The following AGBL4 variants were observed in gnomAD, a reference collection of about 807,000 sequenced individuals.
AGBL4 encodes AGBL carboxypeptidase 4, also known as cytosolic carboxypeptidase 6.
A neutral mutation model predicts 66.4 loss-of-function variants in AGBL4; 58 were observed. The ratio of observed to expected loss-of-function variants is 0.87; its 90% CI spans 0.71 to 1.09. The LOEUF is 1.09. Among genes scored for constraint, AGBL4 ranks in the 50% least tolerant of loss-of-function variants. The probability of loss-of-function intolerance (pLI) is 0.00; values close to 1 mark genes in which losing one functional copy is unlikely to be tolerated. For missense variants in AGBL4, 579 were observed against 631.0 expected, an observed-to-expected ratio of 0.92 and a Z score of 0.88; for synonymous variants, 234 against 222.9, an observed-to-expected ratio of 1.05 and a Z score of -0.44.
At chr1:49,781,526 A>C (rs979140793) in intron 2 of AGBL4, among the ~76,000 whole-genome samples, 1 of 152,200 alleles carries the variant, frequency 6.6e-6, no homozygotes, top group Admixed American at 6.5e-5. Context: ...AAAAAGGAGA[A>C]AGGGACAATT....
At chr1:48,940,150 T>C (rs60754463) in intron 5 of AGBL4, among the ~76,000 whole-genome samples, 16,179 of 152,114 alleles carry the variant, frequency 0.11, 956 homozygotes, top group African/African-American at 0.12. Context: ...AAGGCCCGGG[T>C]GGGCAGATCA....
intron 2 of AGBL4, among the ~76,000 whole-genome samples, chr1:49,811,232 T>C (rs955686307): frequency 6.6e-6 from 1 of 152,186 alleles, no homozygotes; most frequent in Non-Finnish European, 1.5e-5. Context: ...TGTTCCAATG[T>C]GTGCTCTGCA....
intron 3 of AGBL4, among the ~76,000 whole-genome samples, chr1:49,684,531 G>A (rs745637944): frequency 5.3e-5 from 8 of 152,180 alleles, no homozygotes; most frequent in Non-Finnish European, 7.4e-5. Flanking sequence ...GCTCATATTA[G>A]TTTTCTTCAT....
At chr1:49,442,304 G>A (rs1251718078) in intron 3 of AGBL4, among the ~76,000 whole-genome samples, 1 of 152,118 alleles carries the variant, frequency 6.6e-6, no homozygotes, top group African/African-American at 2.4e-5. Context: ...CAATAATAGA[G>A]GAAAGAGTAG....
chr1:48,720,444 C>T (rs1647127279), intron 6 of AGBL4, among the ~76,000 whole-genome samples: 1 of 152,226 alleles, frequency 6.6e-6, no homozygotes, highest in African/African-American at 2.4e-5. Flanking sequence ...ATCATTAAGA[C>T]ACCAGACATT....
Position 49,041,749 on chromosome 1 carries a change from G to C in AGBL4, c.594+3835C>G, listed in dbSNP as rs184371042. On this transcript the variant is annotated intron_variant, in intron 5 of 13. Transcript: ENST00000371839. ...GTGTGTTGTGTTGAATCTGAATAAA[G>C]GATGCAGCCAATATGAAAATCAGGG... Among the ~76,000 whole-genome samples the C allele has an allele frequency of 6.5e-3, 995 of 152,218 alleles. 4 individuals are homozygous for C. Among genetic ancestry groups the C allele is most frequent in the Admixed American group, 0.014 (216 of 15,278 alleles).
At chr1:48,968,827 A>G (rs1294128651) in intron 5 of AGBL4, among the ~76,000 whole-genome samples, 14 of 152,186 alleles carry the variant, frequency 9.2e-5, no homozygotes, top group Admixed American at 9.2e-4. Flanking sequence ...TAAGAAAACC[A>G]GACGGCATTC....
At chr1:49,042,240 C>T (rs1049766620) in intron 5 of AGBL4, among the ~76,000 whole-genome samples, 2 of 151,808 alleles carry the variant, frequency 1.3e-5, no homozygotes, top group African/African-American at 2.4e-5. Flanking sequence ...AGGAATTCCT[C>T]GAGGATAATT....
At chr1:49,769,834 T>C (rs1644003858) in intron 2 of AGBL4, among the ~76,000 whole-genome samples, 1 of 152,186 alleles carries the variant, frequency 6.6e-6, no homozygotes, top group Admixed American at 6.5e-5. Flanking sequence ...GATTTAAACG[T>C]AAGACCTCAA....
intron 12 of AGBL4, among the ~76,000 whole-genome samples, chr1:48,538,213 G>A (rs1644005157): frequency 6.6e-6 from 1 of 152,154 alleles, no homozygotes; most frequent in South Asian, 2.1e-4. Flanking sequence ...CATAGGCCCT[G>A]AGACATCACC....
intron 1 of AGBL4, among the ~76,000 whole-genome samples, chr1:49,878,752 C>A (rs1240313763): frequency 2.7e-5 from 4 of 148,948 alleles, no homozygotes; most frequent in African/African-American, 1.0e-4. Context: ...CTAATGTTGA[C>A]AGTGGGGTGT....
intron 4 of AGBL4, among the ~76,000 whole-genome samples, chr1:49,104,774 C>A (rs539966667): frequency 6.6e-6 from 1 of 152,252 alleles, no homozygotes; most frequent in Non-Finnish European, 1.5e-5. Context: ...CCAGGAGGCA[C>A]TATAGGTCTG....
chr1:49,936,811 G>C (rs558162227), intron 1 of AGBL4, among the ~76,000 whole-genome samples: 1 of 152,090 alleles, frequency 6.6e-6, no homozygotes, highest in Non-Finnish European at 1.5e-5. Flanking sequence ...TCACCACAAG[G>C]CCTGCCATAA....
At chr1:49,787,664 G>C (rs911410782) in intron 2 of AGBL4, among the ~76,000 whole-genome samples, 1 of 152,126 alleles carries the variant, frequency 6.6e-6, no homozygotes, top group African/African-American at 2.4e-5. Context: ...CTCAATTACA[G>C]TTTGTTACAG....
intron 3 of AGBL4, among the ~76,000 whole-genome samples, chr1:49,295,210 G>C (rs1319130476): frequency 6.6e-6 from 1 of 152,106 alleles, no homozygotes; most frequent in Non-Finnish European, 1.5e-5. Context: ...AAGCATTGAG[G>C]ATATAACAAA....
chr1:49,115,501 A>G (rs1257085687), intron 4 of AGBL4, among the ~76,000 whole-genome samples: 1 of 152,150 alleles, frequency 6.6e-6, no homozygotes, highest in African/African-American at 2.4e-5. Context: ...TTTTAAGGCA[A>G]TAGCCTGTAT....
In AGBL4 at chr1:48,708,386, G is replaced by A. The variant is rs565652972; in HGVS notation, c.635-45145C>T. 5.3e-5 allele frequency among the ~76,000 whole-genome samples: 8 copies of A among 152,246 alleles called. No individual in the cohort carries two copies. In the South Asian group the frequency reaches 1.0e-3, roughly 20 times the overall value. On this transcript the variant is annotated intron_variant, in intron 6 of 13. Coordinates refer to ENST00000371839, the MANE Select transcript of AGBL4 (RefSeq NM_032785.4). ...TTGACCATTGTGAATGAGAGGAGCC[G>A]TTGGGGCTTGATGAACCACAATGAT...
chr1:49,824,584 C>T (rs993722016), intron 2 of AGBL4, among the ~76,000 whole-genome samples: 5 of 152,182 alleles, frequency 3.3e-5, no homozygotes, highest in Non-Finnish European at 7.3e-5. Flanking sequence ...CTTAAACTGA[C>T]CTTAGGGCTT....
At chr1:49,684,784 T>G (rs1034488851) in intron 3 of AGBL4, among the ~76,000 whole-genome samples, 3 of 152,220 alleles carry the variant, frequency 2.0e-5, no homozygotes, top group Admixed American at 2.0e-4. Context: ...AAGATGAGTT[T>G]TTCCTATTTA....
Sources: gnomAD v4.1 joint callset for allele counts (sites outside exome capture counted in the v4.1 genomes callset) on GRCh38, gnomAD v4.1.1 for gene constraint, MANE v1.5 for transcripts, NCBI Gene and HGNC (gene_info 2026-07-23, HGNC 2026-07-21) for gene names.